ENTPD7: variants seen among roughly 807,000 people sequenced by gnomAD.
ENTPD7 encodes the protein ectonucleoside triphosphate diphosphohydrolase 7.
ENTPD7 carries 53 observed loss-of-function variants against 77.9 expected under a neutral mutation model. The ratio of observed to expected loss-of-function variants is 0.68; its 90% CI spans 0.55 to 0.85. ENTPD7 has a LOEUF of 0.85. ENTPD7 is among the 40% of genes least tolerant of loss of function. ENTPD7 has a pLI of 0.00. For synonymous variants in ENTPD7, 248 were observed against 274.9 expected (o/e 0.90, Z 0.97); for missense variants, 636 against 743.7 (o/e 0.86, Z 1.68).
chr10:99,697,978 C>G (rs956409139), intron 9 of ENTPD7: 1 of 157,030 alleles, frequency 6.4e-6, no homozygotes, highest in African/African-American at 2.4e-5. Context: ...CCAGTCTTCT[C>G]CCCACTCAGA....
At chr10:99,676,039 T>C (rs1351337827) in intron 3 of ENTPD7, among the ~76,000 whole-genome samples, 1 of 152,166 alleles carries the variant, frequency 6.6e-6, no homozygotes, top group Non-Finnish European at 1.5e-5. Context: ...ACACAAATGC[T>C]TCAATTTGTG....
intron 9 of ENTPD7, 108 bp downstream of exon 9, chr10:99,696,230 C>G: frequency 1.5e-6 from 2 of 1,327,606 alleles, no homozygotes; most frequent in Non-Finnish European, 2.1e-6. Context: ...CTTCCTCCTT[C>G]TTTCTGACTA....
intron 3 of ENTPD7, among the ~76,000 whole-genome samples, chr10:99,677,863 TGA>T (rs1364247576): frequency 2.0e-5 from 3 of 152,190 alleles, no homozygotes; most frequent in African/African-American, 7.2e-5. Context: ...GGAAACAGTC[TGA>T]GAGAAGTTTA....
chr10:99,688,860 C>A, intron 7 of ENTPD7, 110 bp downstream of exon 7: 1 of 985,938 alleles, frequency 1.0e-6, no homozygotes, highest in Non-Finnish European at 1.6e-6. Flanking sequence ...TTTTTTCAAA[C>A]ATAAGATGCT....
Position 99,704,949 on chromosome 10 carries a change from A to T in ENTPD7, c.*266A>T. ...CTTTGTCCAAGTGAAGCAGGCTTCGACTCCTTCTGAGAGGTCTGGTGTGTT... is the reference window on the plus strand; with the variant it reads ...CTTTGTCCAAGTGAAGCAGGCTTCGTCTCCTTCTGAGAGGTCTGGTGTGTT... On this transcript the variant is annotated 3_prime_UTR_variant, in exon 13 of 13. Transcript: ENST00000370489. 2.1e-6 allele frequency: 1 copy of T among 471,142 alleles called. No individual in the cohort carries two copies. 29.2% of individuals were successfully genotyped at this position (471,142 alleles called of 1,614,324 possible).
At position 99,688,489 on chromosome 10, in the gene ENTPD7, T is replaced by C. The variant is rs78202468; in HGVS notation, c.653-205T>C. Among the ~76,000 whole-genome samples the C allele has an allele frequency of 8.5e-4, 129 of 152,340 alleles. 1 individual carries two copies. The highest frequency in any genetic ancestry group is 3.0e-3 in the African/African-American group (124 of 41,584). ...TTGTTATACAATTAATTTCTATTCA[T>C]TGAGGAAATTTAGAAGATGCAAATA... On this transcript the variant is annotated intron_variant, in intron 6 of 12. Transcript: ENST00000370489.
chr10:99,666,398 G>A (rs188506698), intron 3 of ENTPD7, among the ~76,000 whole-genome samples: 20 of 152,078 alleles, frequency 1.3e-4, no homozygotes, highest in African/African-American at 4.3e-4. Flanking sequence ...TAGTAGAGAC[G>A]GGGTTTCACC....
At chr10:99,667,190 G>C (rs562973723) in intron 3 of ENTPD7, among the ~76,000 whole-genome samples, 4 of 152,226 alleles carry the variant, frequency 2.6e-5, no homozygotes, top group African/African-American at 9.6e-5. Context: ...CTGTGGCTCA[G>C]AGCTCATTGT....
At chr10:99,671,601 T>G (rs1015252790) in intron 3 of ENTPD7, among the ~76,000 whole-genome samples, 3 of 152,228 alleles carry the variant, frequency 2.0e-5, no homozygotes, top group African/African-American at 7.2e-5. Context: ...ATGCAGTGCG[T>G]GACTGTGTAA....
intron 3 of ENTPD7, among the ~76,000 whole-genome samples, chr10:99,662,199 T>C (rs2035496377): frequency 6.6e-6 from 1 of 152,220 alleles, no homozygotes; most frequent in Non-Finnish European, 1.5e-5. Flanking sequence ...GTATGTTTAG[T>C]TTTAATCTTG....
At position 99,709,282 on chromosome 10, in the gene ENTPD7, A is replaced by G; in HGVS notation, c.*4599A>G. On this transcript the variant is annotated 3_prime_UTR_variant, in exon 13 of 13. Transcript: ENST00000370489. ...TTTTTGTTGTCTTTAAACTTTTCAA[A>G]TTAATTCAAAACTAGTATCTAATTG... 1 of 985,388 alleles carries G rather than the reference A, an allele frequency of 1.0e-6. No individual in the cohort carries two copies. The highest frequency in any genetic ancestry group is 1.7e-5 in the African/African-American group (1 of 57,354). The allele number at this position is 985,388 out of a possible 1,614,324, so 61.0% of individuals were successfully genotyped here.
At chr10:99,680,587 A>AT (rs1384599774) in intron 5 of ENTPD7, among the ~76,000 whole-genome samples, 2 of 151,092 alleles carry the variant, frequency 1.3e-5, no homozygotes, top group African/African-American at 4.9e-5. Context: ...CTCTAACCAG[A>AT]TTTTTTTCTT....
At chr10:99,660,673 C>T (rs955893950) in intron 2 of ENTPD7, among the ~76,000 whole-genome samples, 2 of 152,070 alleles carry the variant, frequency 1.3e-5, no homozygotes, top group African/African-American at 4.8e-5. Flanking sequence ...GCCTGTAATC[C>T]CAGCACTTTG....
chr10:99,677,579 G>A (rs974669249), intron 3 of ENTPD7, among the ~76,000 whole-genome samples: 1 of 152,048 alleles, frequency 6.6e-6, no homozygotes, highest in African/African-American at 2.4e-5. Context: ...TGGCCAGGCT[G>A]GTCTCGAATT....
At chr10:99,694,855 G>T (rs962114401) in intron 8 of ENTPD7, among the ~76,000 whole-genome samples, 1 of 152,038 alleles carries the variant, frequency 6.6e-6, no homozygotes, top group Non-Finnish European at 1.5e-5. Flanking sequence ...GGATCTCTTG[G>T]TATGTACCTT....
At chr10:99,680,530 T>A (rs74613519) in intron 5 of ENTPD7, among the ~76,000 whole-genome samples, 2 of 152,138 alleles carry the variant, frequency 1.3e-5, no homozygotes, top group Non-Finnish European at 2.9e-5. Context: ...ACTTTTTTTT[T>A]AATGATTTTT....
At chr10:99,691,185 TCTCA>T (rs1179855444) in intron 7 of ENTPD7, among the ~76,000 whole-genome samples, 196 bp from the exon 8 acceptor site, 1 of 152,044 alleles carries the variant, frequency 6.6e-6, no homozygotes, top group Non-Finnish European at 1.5e-5. Flanking sequence ...TATGAGAGTG[TCTCA>T]CTATGTTGCC....
intron 6 of ENTPD7, 125 bp from the exon 7 acceptor site, chr10:99,688,569 A>G (rs2035842283): frequency 1.3e-6 from 1 of 768,270 alleles, no homozygotes; most frequent in Non-Finnish European, 2.0e-6. Context: ...CTACATTGAG[A>G]GTATGGAATA....
intron 9 of ENTPD7, among the ~76,000 whole-genome samples, chr10:99,696,415 G>A (rs530767972): frequency 3.7e-4 from 56 of 152,300 alleles, no homozygotes; most frequent in African/African-American, 1.3e-3. Context: ...GAATTAAATT[G>A]CCAGTTTAAA....
Sources: allele counts gnomAD v4.1 joint callset (sites outside exome capture counted in the v4.1 genomes callset), GRCh38; gene constraint gnomAD v4.1.1; transcripts MANE v1.5; gene names NCBI Gene and HGNC (gene_info 2026-07-23, HGNC 2026-07-21).